SYCP2: variants seen among roughly 807,000 people sequenced by gnomAD.
SYCP2 encodes synaptonemal complex protein 2.
A neutral mutation model predicts 211.3 loss-of-function variants in SYCP2; 55 were observed. The observed-to-expected ratio is 0.26, with a 90% CI of 0.21 to 0.33. The LOEUF (loss-of-function observed/expected upper bound fraction) is 0.33, where lower values mean the gene tolerates loss of function less well. Among genes scored for constraint, SYCP2 ranks in the 10% least tolerant of loss-of-function variants. SYCP2 has a pLI of 1.00. For missense variants in SYCP2, 1,731 were observed against 1,752.0 expected (o/e 0.99, Z 0.21); for synonymous variants, 570 against 555.2 (o/e 1.03, Z -0.37).
intron 2 of SYCP2, among the ~76,000 whole-genome samples, chr20:59,931,370 C>T (rs1223102202): frequency 6.6e-6 from 1 of 152,220 alleles, no homozygotes; most frequent in Non-Finnish European, 1.5e-5. Flanking sequence ...ACTCCCACCT[C>T]GGCGGCAGAG....
At position 59,892,442 on chromosome 20, in the gene SYCP2, A is replaced by T. The variant is rs370113255; in HGVS notation, c.1928-16T>A. 26 of 1,468,092 alleles carry T rather than the reference A, an allele frequency of 1.8e-5. No homozygotes were observed. Among genetic ancestry groups the T allele is most frequent in the Non-Finnish European group, 2.4e-5 (26 of 1,093,182 alleles). The allele number at this position is 1,468,092 out of a possible 1,614,324, so 90.9% of individuals were successfully genotyped here. A position where few individuals can be genotyped will look rare whatever the true frequency, so the allele number is the denominator to read the frequency against. ...ATAACAATATCTATTGGGGAAAATG[A>T]GAAATTAATTCTTTTTAAATTAATA... On this transcript the variant is annotated splice_polypyrimidine_tract_variant and intron_variant, in intron 23 of 44. Coordinates refer to ENST00000357552, the MANE Select transcript of SYCP2 (RefSeq NM_014258.4).
Position 59,892,417 on chromosome 20 carries a change from A to G in SYCP2, c.1937T>C (p.Ile646Thr), listed in dbSNP as rs926542486. 3 of 1,508,142 alleles carry G rather than the reference A, an allele frequency of 2.0e-6. No individual in the cohort carries two copies. The highest frequency in any genetic ancestry group is 2.7e-6 in the Non-Finnish European group (3 of 1,113,382). 93.4% of individuals were successfully genotyped at this position (1,508,142 alleles called of 1,614,324 possible). A position where few individuals can be genotyped will look rare whatever the true frequency, so the allele number is the denominator to read the frequency against. Residue 646 changes from isoleucine to threonine, a missense_variant, in exon 24 of 45, where the codon ATA becomes ACA. Physicochemically the swap from Ile to Thr is moderately conservative, Grantham distance 89 (BLOSUM62 -1). Around this residue, in one of 3 missense-constraint regions of SYCP2, gnomAD observed 1,387 missense variants for 1,351.3 expected, o/e 1.03. Coordinates refer to ENST00000357552, the MANE Select transcript of SYCP2 (RefSeq NM_014258.4). ...TTTTTGTTTAGTAAGTTTTTTATTT[A>G]TAACAATATCTATTGGGGAAAATGA... ...SGDTLNQDIVINKKLTKQKSS... is the reference protein window; with the variant it reads ...SGDTLNQDIVTNKKLTKQKSS...
intron 20 of SYCP2, among the ~76,000 whole-genome samples, chr20:59,894,311 C>T (rs976180648): frequency 6.6e-6 from 1 of 151,992 alleles, no homozygotes; most frequent in Non-Finnish European, 1.5e-5. Flanking sequence ...GTTCTCCTGA[C>T]AATAGGTAAG....
chr20:59,927,554 C>G (rs1021125187), intron 2 of SYCP2, among the ~76,000 whole-genome samples: 1 of 151,862 alleles, frequency 6.6e-6, no homozygotes, highest in Non-Finnish European at 1.5e-5. Flanking sequence ...AAGAGAATAC[C>G]CAAAAGAAGG....
intron 6 of SYCP2, 70 bp from the exon 7 acceptor site, chr20:59,919,252 C>T: frequency 1.2e-6 from 1 of 819,988 alleles, no homozygotes; most frequent in Non-Finnish European, 2.0e-6. Flanking sequence ...TATTATAAAC[C>T]ATTACAAATG....
chr20:59,889,014 T>G (rs182528507), intron 24 of SYCP2, among the ~76,000 whole-genome samples: 82 of 152,164 alleles, frequency 5.4e-4, no homozygotes, highest in African/African-American at 1.9e-3. Flanking sequence ...CATATATGGA[T>G]AGAAAGCTCA....
At position 59,880,998 on chromosome 20, in the gene SYCP2, G is replaced by A. The variant is rs771686124; in HGVS notation, c.2740C>T (p.Leu914Phe). The change falls in exon 30 of 45, where the codon CTT becomes TTT. Residue 914 changes from leucine to phenylalanine, a missense_variant. Transcript: ENST00000357552. ...TCTTTTGTTTTGACAGAAGATTTAA[G>A]TTCATCATGATTCCTTGGACCTACC... ...RLVGPRNHDELKSSVKTKDKK... is the reference protein window; with the variant it reads ...RLVGPRNHDEFKSSVKTKDKK... 6.7e-7 allele frequency: 1 copy of A among 1,496,386 alleles called. No individual in the cohort carries two copies. The highest frequency in any genetic ancestry group is 9.2e-7 in the Non-Finnish European group (1 of 1,092,492). 92.7% of individuals were successfully genotyped at this position (1,496,386 alleles called of 1,614,324 possible).
chr20:59,895,713 T>C, intron 19 of SYCP2, 116 bp from the exon 20 acceptor site: 1 of 1,230,950 alleles, frequency 8.1e-7, no homozygotes. Flanking sequence ...CCCAGGTTTC[T>C]GGCTTAGATA....
intron 14 of SYCP2, 22 bp downstream of exon 14, chr20:59,911,728 A>C (rs1178215365): frequency 1.5e-6 from 2 of 1,300,730 alleles, no homozygotes; most frequent in Non-Finnish European, 2.2e-6. Context: ...ATAAAGAATA[A>C]TACCAACCAA....
chr20:59,919,276 A>G lies in SYCP2; in HGVS notation c.403-94T>C, dbSNP rs184340121. On this transcript the variant is annotated intron_variant, in intron 6 of 44. Coordinates refer to ENST00000357552, the MANE Select transcript of SYCP2 (RefSeq NM_014258.4). ...CCATTACAAATGGTATTGAAATGACAGATTACATTTTAACTCAGAGCATAA... is the reference window on the plus strand; with the variant it reads ...CCATTACAAATGGTATTGAAATGACGGATTACATTTTAACTCAGAGCATAA... The G allele has an allele frequency of 1.5e-4, 110 of 732,790 alleles. No individual in the cohort carries two copies. In the African/African-American group the frequency reaches 1.9e-3, roughly 12 times the overall value. 45.4% of individuals were successfully genotyped at this position (732,790 alleles called of 1,614,324 possible).
intron 16 of SYCP2, 115 bp from the exon 17 acceptor site, chr20:59,900,933 A>G (rs2060104395): frequency 1.3e-6 from 1 of 745,228 alleles, no homozygotes; most frequent in Non-Finnish European, 2.3e-6. Context: ...CAAAATTGCC[A>G]AATATCCCAA....
chr20:59,932,659 G>A (rs886956319), intron 1 of SYCP2, among the ~76,000 whole-genome samples: 17 of 152,150 alleles, frequency 1.1e-4, no homozygotes, highest in African/African-American at 4.1e-4. Flanking sequence ...GGGTGACAGA[G>A]CGAGACTCCG....
Position 59,914,207 on chromosome 20 carries a change from T to C in SYCP2, c.679A>G (p.Thr227Ala). The C allele has an allele frequency of 6.2e-7, 1 of 1,603,724 alleles. No individual in the cohort carries two copies. The highest frequency in any genetic ancestry group is 8.5e-7 in the Non-Finnish European group (1 of 1,172,482). The change falls in exon 11 of 45, where the codon ACC (threonine) becomes GCC (alanine). Residue 227 changes from threonine to alanine, a missense_variant. Coordinates refer to ENST00000357552, the MANE Select transcript of SYCP2 (RefSeq NM_014258.4). ...VGIVEALCRM[T>A]TEKQRQELAH... The stretch of plus-strand genomic sequence containing the variant: ...AGTTCTTGTCTTTGTTTTTCTGTGG[T>C]CATTCTACACAAAGCTTCTACAATG...
At chr20:59,873,675 TAGGTTCATCAAGACTGGCA>T (rs1391671273) in intron 35 of SYCP2, among the ~76,000 whole-genome samples, 162 bp downstream of exon 35, 1 of 152,070 alleles carries the variant, frequency 6.6e-6, no homozygotes, top group Non-Finnish European at 1.5e-5. Context: ...ATTTGTCTGT[TAGGTTCATCAAGACTGGCA>T]AGTATCTCTC....
intron 24 of SYCP2, among the ~76,000 whole-genome samples, 173 bp from the exon 25 acceptor site, chr20:59,887,007 T>C (rs1285360533): frequency 1.3e-5 from 2 of 149,268 alleles, no homozygotes; most frequent in Non-Finnish European, 3.0e-5. Flanking sequence ...AATAAGATAA[T>C]TTTTTTTATT....
chr20:59,901,928 A>G (rs1380784617), intron 15 of SYCP2, 118 bp from the exon 16 acceptor site: 2 of 785,910 alleles, frequency 2.5e-6, no homozygotes, highest in Admixed American at 3.4e-5. Context: ...CTCAATATTG[A>G]ACAGTGTTTA....
intron 26 of SYCP2, among the ~76,000 whole-genome samples, chr20:59,884,832 T>C (rs2059754592): frequency 6.6e-6 from 1 of 151,910 alleles, no homozygotes; most frequent in African/African-American, 2.4e-5. Context: ...ACAAAGATGA[T>C]TCAAAATATA....
rs1251253567 is a variant in SYCP2, at chr20:59,901,824, A to G, written c.1034-14T>C. ...TTGATTCTCTCACTGTATAGAAACA[A>G]CACTGATTAGTTTACGTTTCTATGA... On this transcript the variant is annotated splice_polypyrimidine_tract_variant and intron_variant, in intron 15 of 44. Transcript: ENST00000357552. 1.9e-6 allele frequency: 3 copies of G among 1,559,550 alleles called. No homozygotes were observed. Among genetic ancestry groups the G allele is most frequent in the African/African-American group, 1.4e-5 (1 of 72,054 alleles).
intron 34 of SYCP2, 22 bp from the exon 35 acceptor site, chr20:59,874,083 A>G: frequency 7.3e-7 from 1 of 1,363,586 alleles, no homozygotes. Flanking sequence ...CAAAATAAAA[A>G]AGAAAATAGA....
Sources: allele counts gnomAD v4.1 joint callset (sites outside exome capture counted in the v4.1 genomes callset), GRCh38; gene constraint gnomAD v4.1.1; regional missense constraint gnomAD v4.1.1; transcripts MANE v1.5; gene names NCBI Gene and HGNC (gene_info 2026-07-23, HGNC 2026-07-21).